ZNF423: variants seen among roughly 807,000 people sequenced by gnomAD.
ZNF423 encodes zinc finger protein 423.
A neutral mutation model predicts 95.8 loss-of-function variants in ZNF423; 12 were observed. The observed-to-expected ratio is 0.13, with a 90% CI of 0.08 to 0.20. ZNF423 has a LOEUF of 0.20. Ranked by LOEUF, ZNF423 falls within the 10% of genes least tolerant of loss-of-function variation. ZNF423 has a pLI of 1.00. For missense variants in ZNF423, 1,316 were observed against 1,737.1 expected, an observed-to-expected ratio of 0.76 and a Z score of 4.31; for synonymous variants, 749 against 711.9, an observed-to-expected ratio of 1.05 and a Z score of -0.83.
intron 1 of ZNF423, among the ~76,000 whole-genome samples, chr16:49,793,424 G>A (rs1310332210): frequency 1.3e-5 from 2 of 152,188 alleles, no homozygotes; most frequent in East Asian, 1.9e-4. Flanking sequence ...GGGCCGATAG[G>A]GACAACACAC....
chr16:49,642,395 C>A (rs1294555050), intron 3 of ZNF423, among the ~76,000 whole-genome samples: 2 of 152,218 alleles, frequency 1.3e-5, no homozygotes, highest in Non-Finnish European at 2.9e-5. Context: ...ACCTGCCCGG[C>A]ACCAGAGTAC....
chr16:49,694,853 C>A (rs941831099), intron 3 of ZNF423, among the ~76,000 whole-genome samples: 3 of 152,204 alleles, frequency 2.0e-5, no homozygotes, highest in Non-Finnish European at 2.9e-5. Context: ...TTCCAACACA[C>A]AAAATAGGGT....
chr16:49,739,696 G>GTTTTTTTTT (rs10574656), intron 2 of ZNF423, among the ~76,000 whole-genome samples: 1 of 52,592 alleles, frequency 1.9e-5, no homozygotes, highest in Admixed American at 1.9e-4. Context: ...TTTTTGTTTG[G>GTTTTTTTTT]TTTTTTTTTT....
intron 5 of ZNF423, among the ~76,000 whole-genome samples, chr16:49,552,374 G>A (rs1969672278): frequency 6.6e-6 from 1 of 152,126 alleles, no homozygotes; most frequent in Admixed American, 6.5e-5. Flanking sequence ...GCAATTTTAG[G>A]CCCCTACAAA....
chr16:49,584,841 A>T (rs994953907), intron 5 of ZNF423, among the ~76,000 whole-genome samples: 8 of 152,188 alleles, frequency 5.3e-5, no homozygotes, highest in Admixed American at 3.3e-4. Flanking sequence ...CAATATTGCT[A>T]CATATTGCTT....
chr16:49,765,707 G>A (rs577877997), intron 2 of ZNF423, among the ~76,000 whole-genome samples: 8 of 152,228 alleles, frequency 5.3e-5, no homozygotes, highest in Admixed American at 2.6e-4. Context: ...ACAACAGAAC[G>A]AGACCCTACC....
intron 2 of ZNF423, among the ~76,000 whole-genome samples, chr16:49,788,432 G>A (rs1467412412): frequency 6.6e-5 from 10 of 152,134 alleles, no homozygotes; most frequent in Admixed American, 6.5e-5. Context: ...TAGCATCATC[G>A]TAAGTCACAA....
chr16:49,527,369 G>A (rs763122087), intron 5 of ZNF423, among the ~76,000 whole-genome samples: 16 of 152,188 alleles, frequency 1.1e-4, no homozygotes, highest in African/African-American at 3.1e-4. Context: ...CAGCACGCTC[G>A]CCCTGCAGGC....
intron 2 of ZNF423, among the ~76,000 whole-genome samples, chr16:49,776,722 T>A (rs527241591): frequency 1.1e-4 from 16 of 152,080 alleles, no homozygotes; most frequent in Non-Finnish European, 2.1e-4. Context: ...AAGACTGGGG[T>A]CTAGGTCCAC....
chr16:49,792,426 C>A (rs2034431523), intron 1 of ZNF423, among the ~76,000 whole-genome samples: 1 of 152,170 alleles, frequency 6.6e-6, no homozygotes, highest in Non-Finnish European at 1.5e-5. Context: ...TCCAGACAGG[C>A]CTGCAGGGGT....
intron 1 of ZNF423, among the ~76,000 whole-genome samples, chr16:49,809,222 G>T (rs561769043): frequency 6.6e-6 from 1 of 152,202 alleles, no homozygotes. Flanking sequence ...AAAACATAGC[G>T]GCCCACACAT....
intron 7 of ZNF423, among the ~76,000 whole-genome samples, chr16:49,512,328 C>T (rs2151683259): frequency 6.6e-6 from 1 of 152,368 alleles, no homozygotes; most frequent in Middle Eastern, 3.4e-3. Flanking sequence ...GACTAGGGCT[C>T]ACCAACCTTT....
intron 3 of ZNF423, among the ~76,000 whole-genome samples, chr16:49,719,283 G>A (rs985485224): frequency 2.6e-5 from 4 of 152,214 alleles, no homozygotes; most frequent in East Asian, 1.9e-4. Context: ...GCAGCTCCAC[G>A]TGACGGGCCC....
chr16:49,638,887 G>C lies in ZNF423; in HGVS notation c.302-13C>G, dbSNP rs1972866629. The stretch of plus-strand genomic sequence containing the variant: ...TCGTCATCACCATCTGCAAGAGAAG[G>C]CAGAGAGGATATTAGAGGCAATTCC... On this transcript the variant is annotated splice_polypyrimidine_tract_variant and intron_variant, in intron 3 of 7. Coordinates refer to ENST00000563137, the MANE Select transcript of ZNF423 (RefSeq NM_001379286.1). This position sits in a 1 kb window ranked among gnomAD's most constrained non-coding sequence, Gnocchi z 5.6. 9 of 1,591,956 alleles carry C rather than the reference G, an allele frequency of 5.7e-6. No individual in the cohort carries two copies. In the East Asian group the frequency reaches 2.0e-4, roughly 36 times the overall value.
At chr16:49,616,336 G>A (rs930842404) in intron 5 of ZNF423, among the ~76,000 whole-genome samples, 2 of 152,120 alleles carry the variant, frequency 1.3e-5, no homozygotes, top group Non-Finnish European at 2.9e-5. Flanking sequence ...AGGGTAGCAG[G>A]GAGGGAGGGG....
intron 5 of ZNF423, among the ~76,000 whole-genome samples, chr16:49,590,050 A>AGATATATATATATATATATATATG (rs1555509926): frequency 8.5e-6 from 1 of 117,506 alleles, no homozygotes; most frequent in Non-Finnish European, 2.0e-5. Context: ...ATATATATAT[A>AGATATATATATATATATATATATG]TTTGGTCCAT....
intron 5 of ZNF423, among the ~76,000 whole-genome samples, chr16:49,573,822 T>C (rs1433529748): frequency 1.3e-5 from 2 of 152,210 alleles, no homozygotes; most frequent in African/African-American, 4.8e-5. Context: ...CCAGTTTTGC[T>C]CTGATGTGCT....
chr16:49,700,788 C>G (rs1251791219), intron 3 of ZNF423, among the ~76,000 whole-genome samples: 1 of 152,156 alleles, frequency 6.6e-6, no homozygotes, highest in Non-Finnish European at 1.5e-5. Context: ...GCTGGGCCCA[C>G]GGGACCACAG....
intron 3 of ZNF423, among the ~76,000 whole-genome samples, chr16:49,719,135 A>G (rs753105837): frequency 6.6e-6 from 1 of 152,204 alleles, no homozygotes; most frequent in Non-Finnish European, 1.5e-5. Context: ...AATTAGCACA[A>G]GCACCTCCAG....
Sources: gnomAD v4.1 joint callset for allele counts (sites outside exome capture counted in the v4.1 genomes callset) on GRCh38, gnomAD v4.1.1 for gene constraint, Gnocchi (gnomAD v3.1) non-coding constraint, MANE v1.5 for transcripts, NCBI Gene and HGNC (gene_info 2026-07-23, HGNC 2026-07-21) for gene names.